Variants in SSBP3 observed in about 807,000 individuals in gnomAD.
SSBP3 encodes single-stranded DNA-binding protein 3.
In SSBP3, 5 loss-of-function variants were observed where a neutral mutation model predicts 69.6. That is an observed-to-expected ratio of 0.07 (90% CI 0.04 to 0.15). SSBP3 has a LOEUF of 0.15. Ranked by LOEUF, SSBP3 falls within the 10% of genes least tolerant of loss-of-function variation. The probability of loss-of-function intolerance (pLI) is 1.00; values close to 1 mark genes in which losing one functional copy is unlikely to be tolerated. For synonymous variants in SSBP3, 196 were observed against 193.4 expected (o/e 1.01, Z -0.11); for missense variants, 312 against 534.0 (o/e 0.58, Z 4.10).
chr1:54,399,484 G>A (rs556635356), intron 4 of SSBP3, among the ~76,000 whole-genome samples: 1 of 152,250 alleles, frequency 6.6e-6, no homozygotes, highest in African/African-American at 2.4e-5. Flanking sequence ...GCAGTTAGCA[G>A]AGTGGCCTGG....
chr1:54,228,535 C>T (rs1276113505), intron 15 of SSBP3, 58 bp from the exon 16 acceptor site: 4 of 1,610,230 alleles, frequency 2.5e-6, no homozygotes, highest in East Asian at 2.2e-5. Context: ...GGAGGGGTCT[C>T]CCCTCGTCCT....
In SSBP3 at chr1:54,312,243, C is replaced by T. The variant is rs921810977; in HGVS notation, c.277-30716G>A. ...TTTGAGGTTACAGTGAGATATGGAT[C>T]GCACCACTGCACTCCAGCCTAGGTG... On this transcript the variant is annotated intron_variant, in intron 4 of 17. Coordinates refer to ENST00000610401, the Ensembl canonical transcript of SSBP3. 7.9e-5 allele frequency among the ~76,000 whole-genome samples: 12 copies of T among 150,974 alleles called. No homozygotes were observed. In the East Asian group the frequency reaches 1.8e-3, roughly 22 times the overall value.
chr1:54,230,687 C>T (rs577635424), intron 14 of SSBP3, among the ~76,000 whole-genome samples: 6 of 152,276 alleles, frequency 3.9e-5, no homozygotes, highest in African/African-American at 9.6e-5. Flanking sequence ...CCTCCTCCAA[C>T]GCCCCCGGCC....
intron 2 of SSBP3, 50 bp downstream of exon 2, chr1:54,404,808 T>TAGG (rs760237753): frequency 7.9e-6 from 5 of 632,500 alleles, no homozygotes; most frequent in Non-Finnish European, 1.3e-5. Flanking sequence ...CTAAGAATAG[T>TAGG]GGGGGGGGGG....
intron 4 of SSBP3, among the ~76,000 whole-genome samples, chr1:54,357,878 G>C (rs1557561222): frequency 6.6e-6 from 1 of 152,230 alleles, no homozygotes; most frequent in Non-Finnish European, 1.5e-5. Context: ...GCAGTCATCA[G>C]GTTCCAGAGG....
chr1:54,338,484 T>C (rs7545747), intron 4 of SSBP3, among the ~76,000 whole-genome samples: 104,944 of 152,084 alleles, frequency 0.69, 37,263 homozygotes, highest in African/African-American at 0.86. Flanking sequence ...TCCCGACCCC[T>C]AACCCCACTT....
At chr1:54,392,956 C>A (rs1486579659) in intron 4 of SSBP3, among the ~76,000 whole-genome samples, 1 of 152,158 alleles carries the variant, frequency 6.6e-6, no homozygotes, top group African/African-American at 2.4e-5. Flanking sequence ...CCTGGCAGGC[C>A]TGGTGGAGGC....
chr1:54,334,872 G>C (rs954754239), intron 4 of SSBP3, among the ~76,000 whole-genome samples: 1 of 152,124 alleles, frequency 6.6e-6, no homozygotes, highest in Admixed American at 6.5e-5. Flanking sequence ...TTCATCCTGT[G>C]CCTGTGAAGT....
chr1:54,384,083 G>C (rs1647889374), intron 4 of SSBP3, among the ~76,000 whole-genome samples: 1 of 141,468 alleles, frequency 7.1e-6, no homozygotes, highest in Non-Finnish European at 1.5e-5. Context: ...TCCAGCCTGG[G>C]CAACAGTGCA....
intron 14 of SSBP3, among the ~76,000 whole-genome samples, chr1:54,236,262 T>G (rs1052121141): frequency 6.6e-6 from 1 of 152,134 alleles, no homozygotes; most frequent in Non-Finnish European, 1.5e-5. Flanking sequence ...ACTACAGACA[T>G]GTACCACCAC....
At chr1:54,268,272 G>C (rs1645135796) in intron 5 of SSBP3, among the ~76,000 whole-genome samples, 1 of 152,232 alleles carries the variant, frequency 6.6e-6, no homozygotes, top group South Asian at 2.1e-4. Flanking sequence ...AATGGATAGT[G>C]CTGCAAAGAC....
chr1:54,318,019 T>C (rs1022844976), intron 4 of SSBP3, among the ~76,000 whole-genome samples: 1 of 152,208 alleles, frequency 6.6e-6, no homozygotes, highest in African/African-American at 2.4e-5. Context: ...CCACCTGCTT[T>C]GGCCTCCCAA....
chr1:54,306,203 C>T (rs966497873), intron 4 of SSBP3, among the ~76,000 whole-genome samples: 8 of 152,266 alleles, frequency 5.3e-5, no homozygotes, highest in South Asian at 2.1e-4. Context: ...CAGCACAGAA[C>T]GCACTGGGTC....
In SSBP3 at chr1:54,251,647, C is replaced by T; in HGVS notation, c.620G>A (p.Arg207Gln). ...GCCGGGACCCATGGGCCCCATGCCT[C>T]GGGGAGGGTTCATTCTCTGCATTGA... Residue 207 changes from arginine to glutamine, a missense_variant, in exon 9 of 18, where the codon CGA (arginine) becomes CAA (glutamine). Transcript: ENST00000610401. 6 of 1,552,200 alleles carry T rather than the reference C, an allele frequency of 3.9e-6. No homozygotes were observed. The highest frequency in any genetic ancestry group is 2.4e-5 in the East Asian group (1 of 41,066).
chr1:54,354,614 A>G (rs531330098), intron 4 of SSBP3, among the ~76,000 whole-genome samples: 12 of 152,178 alleles, frequency 7.9e-5, no homozygotes, highest in Admixed American at 3.3e-4. Context: ...GGAGCTTACA[A>G]CCGAGATGGG....
chr1:54,336,914 A>G (rs975244600), intron 4 of SSBP3, among the ~76,000 whole-genome samples: 1 of 152,142 alleles, frequency 6.6e-6, no homozygotes, highest in Admixed American at 6.5e-5. Context: ...TGGCTTCCTC[A>G]ACATCATGCC....
At chr1:54,347,364 C>G (rs1174789642) in intron 4 of SSBP3, among the ~76,000 whole-genome samples, 5 of 148,244 alleles carry the variant, frequency 3.4e-5, no homozygotes, top group South Asian at 2.1e-4. Flanking sequence ...TAATTTGTCC[C>G]CTTTTTAAAA....
At chr1:54,257,228 T>G in intron 6 of SSBP3, 42 bp from the exon 7 acceptor site, 2 of 1,534,504 alleles carry the variant, frequency 1.3e-6, no homozygotes, top group Non-Finnish European at 1.8e-6. Context: ...CCTGCCCTAC[T>G]GCACAGTGAC....
intron 4 of SSBP3, among the ~76,000 whole-genome samples, chr1:54,367,103 C>T (rs542014754): frequency 1.3e-5 from 2 of 152,330 alleles, no homozygotes; most frequent in Middle Eastern, 6.8e-3. Flanking sequence ...AGAAGTAGGG[C>T]TGCCTCTTTC....
Sources: gnomAD v4.1 joint callset for allele counts (sites outside exome capture counted in the v4.1 genomes callset) on GRCh38, gnomAD v4.1.1 for gene constraint, MANE v1.5 for transcripts, NCBI Gene and HGNC (gene_info 2026-07-23, HGNC 2026-07-21) for gene names.